The following DPYSL2 variants were observed in gnomAD, a reference collection of about 807,000 sequenced individuals.
DPYSL2 encodes dihydropyrimidinase like 2.
In DPYSL2, 13 loss-of-function variants were observed where a neutral mutation model predicts 69.9. The observed-to-expected ratio is 0.19, with a 90% CI of 0.12 to 0.30. The LOEUF (loss-of-function observed/expected upper bound fraction) is 0.30. Ranked by LOEUF, DPYSL2 falls within the 10% of genes least tolerant of loss-of-function variation. The pLI, the probability that DPYSL2 is intolerant of heterozygous loss-of-function variation, is 1.00. For synonymous variants in DPYSL2, 326 were observed against 359.1 expected (o/e 0.91, Z 1.04); for missense variants, 587 against 918.9 (o/e 0.64, Z 4.67).
chr8:26,610,715 G>A lies in DPYSL2; in HGVS notation c.629-13428G>A, dbSNP rs1802205415. 6.6e-6 allele frequency among the ~76,000 whole-genome samples: 1 copy of A among 152,122 alleles called. No homozygotes were observed. Among genetic ancestry groups the A allele is most frequent in the South Asian group, 2.1e-4 (1 of 4,820 alleles). ...CGTCTCCCCACAACAGCACTGGAAGGTGCTAGAACACTTGGAGAAAACTAG... is the reference window on the plus strand; with the variant it reads ...CGTCTCCCCACAACAGCACTGGAAGATGCTAGAACACTTGGAGAAAACTAG... On this transcript the variant is annotated intron_variant, in intron 3 of 13. Transcript: ENST00000521913. The surrounding 1 kb of genome is among the most constrained non-coding windows in gnomAD (Gnocchi z 4.5).
At chr8:26,608,518 G>A (rs1441123715) in intron 3 of DPYSL2, among the ~76,000 whole-genome samples, 2 of 152,218 alleles carry the variant, frequency 1.3e-5, no homozygotes, top group African/African-American at 4.8e-5. Flanking sequence ...CTGTGAGGAA[G>A]TATTTACATT....
intron 3 of DPYSL2, among the ~76,000 whole-genome samples, chr8:26,595,638 G>A (rs916071838): frequency 3.9e-5 from 6 of 152,232 alleles, no homozygotes; most frequent in African/African-American, 1.4e-4. Flanking sequence ...AGGCAGGGCT[G>A]CAGGGTCGTG....
intron 3 of DPYSL2, among the ~76,000 whole-genome samples, chr8:26,592,791 A>G (rs924338915): frequency 1.3e-5 from 2 of 152,102 alleles, no homozygotes; most frequent in Admixed American, 6.5e-5. Flanking sequence ...CATTAGTTTT[A>G]AAGGGAAGAT....
chr8:26,514,154 C>T lies in DPYSL2; in HGVS notation c.-172C>T. ...GAGAAGCGGGGTCAGGGGGAGGGAC[C>T]GGGAGGGTGGGTCGCCGGCTCGCCA... On this transcript the variant is annotated 5_prime_UTR_variant, in exon 1 of 14. Transcript: ENST00000521913. The surrounding 1 kb of genome is among the most constrained non-coding windows in gnomAD (Gnocchi z 8.4). 2 of 488,366 alleles carry T rather than the reference C, an allele frequency of 4.1e-6. No homozygotes were observed. The highest frequency in any genetic ancestry group is 6.8e-6 in the Non-Finnish European group (2 of 296,278). The allele number at this position is 488,366 out of a possible 1,614,324, so 30.3% of individuals were successfully genotyped here. A position where few individuals can be genotyped will look rare whatever the true frequency, so the allele number is the denominator to read the frequency against.
intron 3 of DPYSL2, among the ~76,000 whole-genome samples, chr8:26,622,627 C>G (rs1267746239): frequency 6.6e-6 from 1 of 152,080 alleles, no homozygotes; most frequent in Non-Finnish European, 1.5e-5. Context: ...CTCAGCCTCC[C>G]AAGTAGCTGG....
intron 1 of DPYSL2, among the ~76,000 whole-genome samples, chr8:26,557,517 G>A (rs2129651345): frequency 1.3e-5 from 2 of 149,838 alleles, no homozygotes; most frequent in Non-Finnish European, 2.9e-5. Context: ...GGTGGCTTAT[G>A]CCTGTAATCC....
At position 26,514,377 on chromosome 8, in the gene DPYSL2, G is replaced by T. The variant is rs1808235374; in HGVS notation, c.52G>T (p.Ala18Ser). 6.6e-7 allele frequency: 1 copy of T among 1,515,386 alleles called. No homozygotes were observed. The highest frequency in any genetic ancestry group is 8.8e-7 in the Non-Finnish European group (1 of 1,138,646). 93.9% of individuals were successfully genotyped at this position (1,515,386 alleles called of 1,614,324 possible). A position where few individuals can be genotyped will look rare whatever the true frequency, so the allele number is the denominator to read the frequency against. Residue 18 changes from alanine (A) to serine (S), a missense_variant, in exon 1 of 14, where the codon GCT (alanine) becomes TCT (serine). Transcript: ENST00000521913. This position sits in a 1 kb window ranked among gnomAD's most constrained non-coding sequence, Gnocchi z 8.4. ...GKAAEDEEVP[A>S]FFKNLGSGSP... ...GGCGGCAGAGGACGAAGAGGTCCCT[G>T]CTTTTTTTAAAAACCTGGGCTCCGG...
At chr8:26,590,448 G>A (rs1404143700) in intron 3 of DPYSL2, among the ~76,000 whole-genome samples, 2 of 151,078 alleles carry the variant, frequency 1.3e-5, no homozygotes, top group Admixed American at 1.3e-4. Flanking sequence ...CGGCTGGACT[G>A]GAAGAATCCA....
At chr8:26,579,701 C>G (rs1032764080) in intron 1 of DPYSL2, among the ~76,000 whole-genome samples, 1 of 152,152 alleles carries the variant, frequency 6.6e-6, no homozygotes, top group Non-Finnish European at 1.5e-5. Context: ...GCGCTAGCTT[C>G]TTCTTGAAGG....
At chr8:26,555,509 C>CA (rs1800930267) in intron 1 of DPYSL2, among the ~76,000 whole-genome samples, 5 of 151,850 alleles carry the variant, frequency 3.3e-5, no homozygotes, top group Admixed American at 3.3e-4. Flanking sequence ...ATGTTAACAC[C>CA]AAAAAAATTA....
At chr8:26,550,856 G>T (rs1032903179) in intron 1 of DPYSL2, among the ~76,000 whole-genome samples, 1 of 152,090 alleles carries the variant, frequency 6.6e-6, no homozygotes, top group Non-Finnish European at 1.5e-5. Context: ...GTGGGGAGAG[G>T]GGGTCTGGTG....
chr8:26,577,869 G>T (rs1801391517), intron 1 of DPYSL2: 1 of 1,092,808 alleles, frequency 9.2e-7, no homozygotes, highest in African/African-American at 1.7e-5. Flanking sequence ...TCTCGAAGCG[G>T]ATGGCTTTTG....
chr8:26,578,248 G>A (rs1259358768), intron 1 of DPYSL2: 1 of 1,614,012 alleles, frequency 6.2e-7, no homozygotes, highest in African/African-American at 1.3e-5. Flanking sequence ...TTTTTCCCAG[G>A]AGAGAGATGT....
chr8:26,587,738 C>T lies in DPYSL2; in HGVS notation c.628+3755C>T, dbSNP rs987108867. Among the ~76,000 whole-genome samples, 3 of 152,166 alleles carry T rather than the reference C, an allele frequency of 2.0e-5. No individual in the cohort carries two copies. Among genetic ancestry groups the T allele is most frequent in the Admixed American group, 2.0e-4 (3 of 15,272 alleles). ...AGAGACTGCAGACATACCCTGCAGGCGGCATCCAGACCGGCTGAGGGGTTG... is the reference window on the plus strand; with the variant it reads ...AGAGACTGCAGACATACCCTGCAGGTGGCATCCAGACCGGCTGAGGGGTTG... On this transcript the variant is annotated intron_variant, in intron 3 of 13. Coordinates refer to ENST00000521913, the MANE Select transcript of DPYSL2 (RefSeq NM_001197293.3). The surrounding 1 kb of genome is among the most constrained non-coding windows in gnomAD (Gnocchi z 4.2).
Position 26,580,157 on chromosome 8 carries a change from CACAGTG to C in DPYSL2, c.355-1809_355-1804del, listed in dbSNP as rs1801460107. 1.3e-5 allele frequency among the ~76,000 whole-genome samples: 2 copies of C among 152,028 alleles called. No homozygotes were observed. The highest frequency in any genetic ancestry group is 2.9e-5 in the Non-Finnish European group (2 of 68,012). ...TCGCGGTGATGGCTGGGGCAGGTAC[CACAGTG>C]ACTGTGGAGGCAGGAGGTGAAGGGG... On this transcript the variant is annotated intron_variant, in intron 1 of 13. Coordinates refer to ENST00000521913, the MANE Select transcript of DPYSL2 (RefSeq NM_001197293.3). This position sits in a 1 kb window ranked among gnomAD's most constrained non-coding sequence, Gnocchi z 4.1.
intron 1 of DPYSL2, among the ~76,000 whole-genome samples, chr8:26,553,843 A>T (rs1800904489): frequency 6.6e-6 from 1 of 150,992 alleles, no homozygotes; most frequent in South Asian, 2.1e-4. Context: ...TCCCACCAAC[A>T]GTGCACAAGT....
intron 1 of DPYSL2, among the ~76,000 whole-genome samples, chr8:26,529,196 C>T (rs1266381234): frequency 6.6e-6 from 1 of 151,936 alleles, no homozygotes; most frequent in African/African-American, 2.4e-5. Flanking sequence ...GGCCTAAGAT[C>T]GTTATAAGAT....
In DPYSL2 at chr8:26,614,350, G is replaced by A. The variant is rs1187193527; in HGVS notation, c.629-9793G>A. 6.6e-6 allele frequency among the ~76,000 whole-genome samples: 1 copy of A among 152,132 alleles called. No homozygotes were observed. Among genetic ancestry groups the A allele is most frequent in the Admixed American group, 6.5e-5 (1 of 15,282 alleles). On this transcript the variant is annotated intron_variant, in intron 3 of 13. Transcript: ENST00000521913. The surrounding 1 kb of genome is among the most constrained non-coding windows in gnomAD (Gnocchi z 4.9). ...GCCAAGAGGGAATGGGAGCGAGAAGGTGGGGCGTCAGCAACATTCAGCTCC... is the reference window on the plus strand; with the variant it reads ...GCCAAGAGGGAATGGGAGCGAGAAGATGGGGCGTCAGCAACATTCAGCTCC...
intron 1 of DPYSL2, among the ~76,000 whole-genome samples, chr8:26,553,686 C>T (rs1452312788): frequency 6.6e-6 from 1 of 152,110 alleles, no homozygotes; most frequent in South Asian, 2.1e-4. Flanking sequence ...AACGAATATA[C>T]ACATGCATGT....
Sources: allele counts gnomAD v4.1 joint callset (sites outside exome capture counted in the v4.1 genomes callset), GRCh38; gene constraint gnomAD v4.1.1; non-coding constraint Gnocchi (gnomAD v3.1); transcripts MANE v1.5; gene names NCBI Gene and HGNC (gene_info 2026-07-23, HGNC 2026-07-21).